TTC29: variants seen among roughly 807,000 people sequenced by gnomAD.
TTC29 encodes the protein tetratricopeptide repeat protein 29.
In TTC29, 49 loss-of-function variants were observed where a neutral mutation model predicts 58.1. The ratio of observed to expected loss-of-function variants is 0.84; its 90% CI spans 0.67 to 1.07. The LOEUF is 1.07. TTC29 is among the 50% of genes least tolerant of loss of function. TTC29 has a pLI of 0.00. For synonymous variants in TTC29, 209 were observed against 196.8 expected (o/e 1.06, Z -0.52); for missense variants, 582 against 555.6 (o/e 1.05, Z -0.48).
At chr4:146,751,541 G>A (rs1007764408) in intron 11 of TTC29, among the ~76,000 whole-genome samples, 2 of 152,046 alleles carry the variant, frequency 1.3e-5, no homozygotes, top group African/African-American at 4.8e-5. Flanking sequence ...AATAACACAA[G>A]GTATCTTGGA....
intron 4 of TTC29, among the ~76,000 whole-genome samples, chr4:146,919,849 T>C (rs1734468508): frequency 1.3e-5 from 2 of 151,124 alleles, no homozygotes; most frequent in South Asian, 4.1e-4. Flanking sequence ...AGCTGGAGAA[T>C]ATAAAGAACA....
chr4:146,781,260 G>T (rs967043316), intron 11 of TTC29, among the ~76,000 whole-genome samples: 1 of 151,802 alleles, frequency 6.6e-6, no homozygotes, highest in Non-Finnish European at 1.5e-5. Flanking sequence ...GTAGTATATG[G>T]CTTGACATAT....
At chr4:146,872,792 G>C (rs1329808898) in intron 7 of TTC29, among the ~76,000 whole-genome samples, 1 of 152,086 alleles carries the variant, frequency 6.6e-6, no homozygotes, top group Non-Finnish European at 1.5e-5. Flanking sequence ...TAGTGGAAAT[G>C]TTAAATGGTG....
intron 4 of TTC29, among the ~76,000 whole-genome samples, chr4:146,933,770 T>C (rs1735530660): frequency 6.6e-6 from 1 of 152,202 alleles, no homozygotes; most frequent in Non-Finnish European, 1.5e-5. Context: ...ATTTCTTCTG[T>C]GAAGGTAGAT....
chr4:146,828,419 G>GA (rs1374280186), intron 9 of TTC29, among the ~76,000 whole-genome samples: 2 of 151,824 alleles, frequency 1.3e-5, no homozygotes, highest in East Asian at 1.9e-4. Flanking sequence ...TACTATTCAA[G>GA]AAAAAATTGA....
intron 8 of TTC29, among the ~76,000 whole-genome samples, chr4:146,848,917 T>G (rs1219669786): frequency 6.6e-6 from 1 of 152,244 alleles, no homozygotes; most frequent in Non-Finnish European, 1.5e-5. Flanking sequence ...ACTGGACTTT[T>G]GTCCTGTCCC....
At chr4:146,783,526 A>G (rs1044479203) in intron 11 of TTC29, among the ~76,000 whole-genome samples, 18 of 152,132 alleles carry the variant, frequency 1.2e-4, no homozygotes, top group Admixed American at 2.0e-4. Flanking sequence ...ATGTTTTATT[A>G]TAAAATATAA....
intron 5 of TTC29, among the ~76,000 whole-genome samples, chr4:146,905,665 A>G (rs752868007): frequency 1.3e-5 from 2 of 152,176 alleles, no homozygotes; most frequent in African/African-American, 2.4e-5. Context: ...GACAGCAGGT[A>G]TATTCAGAAG....
Position 146,857,061 on chromosome 4 carries a change from T to C in TTC29, c.885+10437A>G, listed in dbSNP as rs1013324985. Among the ~76,000 whole-genome samples the C allele has an allele frequency of 3.0e-5, 4 of 132,960 alleles. No homozygotes were observed. The South Asian group carries it at 9.9e-4, about 33-fold the overall frequency. 87.2% of individuals were successfully genotyped at this position (132,960 alleles called of 152,430 possible). A position where few individuals can be genotyped will look rare whatever the true frequency, so the allele number is the denominator to read the frequency against. On this transcript the variant is annotated intron_variant, in intron 8 of 12. Coordinates refer to ENST00000325106, the MANE Select transcript of TTC29 (RefSeq NM_031956.4). The stretch of plus-strand genomic sequence containing the variant: ...TAAGATCAGATATGGAATATATTTT[T>C]ATACTATGCCTTAAGATTATATAAT...
At chr4:146,935,265 T>G (rs1445904375) in intron 4 of TTC29, among the ~76,000 whole-genome samples, 1 of 152,052 alleles carries the variant, frequency 6.6e-6, no homozygotes, top group Non-Finnish European at 1.5e-5. Flanking sequence ...TTGGGGTACA[T>G]GATGAGAGGT....
At position 146,939,945 on chromosome 4, in the gene TTC29, CT is replaced by C; in HGVS notation, c.-6-45del. Reference sequence around the variant, plus strand: ...AGAAATTGTATTTTAAGGAATAAATCTTTCAAAGGATCCTTTAAGACATTAT... The same window carrying C: ...AGAAATTGTATTTTAAGGAATAAATCTTCAAAGGATCCTTTAAGACATTAT... On this transcript the variant is annotated intron_variant, in intron 2 of 12. Coordinates refer to ENST00000325106, the MANE Select transcript of TTC29 (RefSeq NM_031956.4). The C allele has an allele frequency of 1.6e-5, 24 of 1,536,346 alleles. 1 individual carries two copies. Among genetic ancestry groups the C allele is most frequent in the Non-Finnish European group, 2.1e-5 (24 of 1,133,282 alleles).
intron 10 of TTC29, among the ~76,000 whole-genome samples, chr4:146,819,806 C>T (rs1472832020): frequency 1.3e-5 from 2 of 152,122 alleles, no homozygotes; most frequent in African/African-American, 4.8e-5. Context: ...TAATCAATTT[C>T]CTTTGAATTA....
rs568743362 is a variant in TTC29, at chr4:146,853,072, C to A, written c.885+14426G>T. Among the ~76,000 whole-genome samples the A allele has an allele frequency of 2.4e-3, 358 of 151,952 alleles. 2 individuals carry two copies. Among genetic ancestry groups the A allele is most frequent in the Non-Finnish European group, 4.5e-3 (309 of 67,974 alleles). Reference sequence around the variant, plus strand: ...TTTACCATGAACAACCTATGTAAAACCTATTAAAAACATTAATTAAAACCT... The same window carrying A: ...TTTACCATGAACAACCTATGTAAAAACTATTAAAAACATTAATTAAAACCT... On this transcript the variant is annotated intron_variant, in intron 8 of 12. Coordinates refer to ENST00000325106, the MANE Select transcript of TTC29 (RefSeq NM_031956.4).
intron 6 of TTC29, among the ~76,000 whole-genome samples, chr4:146,897,564 G>T (rs1473524993): frequency 1.3e-5 from 2 of 152,182 alleles, no homozygotes; most frequent in Non-Finnish European, 2.9e-5. Context: ...GGGAGGGGCT[G>T]ATGTTACATC....
At position 146,797,971 on chromosome 4, in the gene TTC29, A is replaced by G. The variant is rs1749945165; in HGVS notation, c.1330+5486T>C. On this transcript the variant is annotated intron_variant, in intron 11 of 12. Transcript: ENST00000325106. ...ACATTCTCTGTTCAATTTTTTTTTC[A>G]GTATTTTTTCACAGTATTTCATTGT... 2.7e-5 allele frequency among the ~76,000 whole-genome samples: 4 copies of G among 150,040 alleles called. No individual in the cohort carries two copies. The South Asian group carries it at 8.4e-4, about 32-fold the overall frequency.
intron 11 of TTC29, among the ~76,000 whole-genome samples, chr4:146,770,722 A>G (rs1747666431): frequency 6.6e-6 from 1 of 151,978 alleles, no homozygotes; most frequent in Admixed American, 6.6e-5. Context: ...TTACTTACCA[A>G]TGTGTCCCCT....
chr4:146,878,415 C>T (rs1382964688), intron 6 of TTC29, among the ~76,000 whole-genome samples: 2 of 152,104 alleles, frequency 1.3e-5, no homozygotes, highest in Non-Finnish European at 1.5e-5. Context: ...TTTTCTCTCC[C>T]CTACACATTA....
chr4:146,708,035 A>C (rs72731860), intron 11 of TTC29, among the ~76,000 whole-genome samples: 1 of 151,814 alleles, frequency 6.6e-6, no homozygotes, highest in Non-Finnish European at 1.5e-5. Context: ...CCTTCCAGCC[A>C]TCTTGGCCAA....
At chr4:146,920,684 ACT>A (rs572702418) in intron 4 of TTC29, among the ~76,000 whole-genome samples, 152 of 151,096 alleles carry the variant, frequency 1.0e-3, no homozygotes, top group African/African-American at 3.5e-3. Context: ...CATTAACTAC[ACT>A]CTCTTGAGCC....
Sources: allele counts gnomAD v4.1 joint callset (sites outside exome capture counted in the v4.1 genomes callset), GRCh38; gene constraint gnomAD v4.1.1; transcripts MANE v1.5; gene names NCBI Gene and HGNC (gene_info 2026-07-23, HGNC 2026-07-21).